Variants in PLXNA4 observed in about 807,000 individuals in gnomAD.
PLXNA4 encodes plexin A4.
A neutral mutation model predicts 191.8 loss-of-function variants in PLXNA4; 44 were observed. The ratio of observed to expected loss-of-function variants is 0.23; its 90% confidence interval spans 0.18 to 0.29. The LOEUF (loss-of-function observed/expected upper bound fraction) is 0.29, where lower values mean the gene tolerates loss of function less well. Ranked by LOEUF, PLXNA4 falls within the 10% of genes least tolerant of loss-of-function variation. The probability of loss-of-function intolerance (pLI) is 1.00; values close to 1 mark genes in which losing one functional copy is unlikely to be tolerated. For synonymous variants in PLXNA4, 1,082 were observed against 1,009.5 expected, an observed-to-expected ratio of 1.07 and a Z score of -1.36; for missense variants, 1,800 against 2,488.8, an observed-to-expected ratio of 0.72 and a Z score of 5.89.
intron 3 of PLXNA4, among the ~76,000 whole-genome samples, chr7:132,339,533 T>C (rs1278310827): frequency 6.6e-6 from 1 of 152,252 alleles, no homozygotes; most frequent in Non-Finnish European, 1.5e-5. Flanking sequence ...AGATATTTAC[T>C]GTGTACCTAC....
intron 3 of PLXNA4, chr7:132,384,461 G>A: frequency 1.5e-5 from 15 of 985,754 alleles, no homozygotes; most frequent in Non-Finnish European, 1.7e-5. Flanking sequence ...GTGCTGGATA[G>A]TGGCCATGCA....
chr7:132,498,124 T>C (rs1798102720), intron 2 of PLXNA4, among the ~76,000 whole-genome samples: 1 of 152,146 alleles, frequency 6.6e-6, no homozygotes, highest in South Asian at 2.1e-4. Flanking sequence ...TAGAGCACAA[T>C]AAGGGATTTT....
At position 132,167,625 on chromosome 7, in the gene PLXNA4, C is replaced by T. The variant is rs143852780; in HGVS notation, c.4286+679G>A. Among the ~76,000 whole-genome samples, 392 of 152,228 alleles carry T rather than the reference C, an allele frequency of 2.6e-3. 2 individuals carry two copies. Among genetic ancestry groups the T allele is most frequent in the African/African-American group, 8.9e-3 (371 of 41,528 alleles). On this transcript the variant is annotated intron_variant, in intron 22 of 31. Transcript: ENST00000321063. ...TCATGGCTCACTACAGCCTCAAACT[C>T]CAGGGCTTAAAGGATCCTCCTATCC...
intron 5 of PLXNA4, among the ~76,000 whole-genome samples, chr7:132,232,827 A>G (rs1377296679): frequency 6.6e-6 from 1 of 152,156 alleles, no homozygotes; most frequent in African/African-American, 2.4e-5. Flanking sequence ...AGCGATAGAA[A>G]TATTAACTCC....
intron 24 of PLXNA4, among the ~76,000 whole-genome samples, chr7:132,160,484 G>A (rs1326172973): frequency 6.6e-6 from 1 of 152,132 alleles, no homozygotes; most frequent in Non-Finnish European, 1.5e-5. Flanking sequence ...TTCTCTTGCT[G>A]TTCTCACAGT....
At chr7:132,183,304 G>T (rs1157109338) in intron 16 of PLXNA4, among the ~76,000 whole-genome samples, 1 of 152,156 alleles carries the variant, frequency 6.6e-6, no homozygotes, top group African/African-American at 2.4e-5. Flanking sequence ...ATGACCTTCT[G>T]GTGTCTAGCC....
At chr7:132,206,885 AG>A (rs996232952) in intron 10 of PLXNA4, among the ~76,000 whole-genome samples, 4 of 152,110 alleles carry the variant, frequency 2.6e-5, no homozygotes, top group Non-Finnish European at 4.4e-5. Flanking sequence ...GAGCCCAGGG[AG>A]GACAGGCTCC....
chr7:132,188,951 GAGGAAAGGAAAGGAAAGGAAAGGAA>G (rs755898295), intron 14 of PLXNA4, among the ~76,000 whole-genome samples: 2 of 49,984 alleles, frequency 4.0e-5, no homozygotes, highest in Non-Finnish European at 1.1e-4. Flanking sequence ...CCTTCCCAGA[GAGGAAAGGAAAGGAAAGGAAAGGAA>G]AGGAAAGGAA....
intron 3 of PLXNA4, among the ~76,000 whole-genome samples, chr7:132,445,708 A>C (rs937536378): frequency 3.9e-5 from 6 of 152,304 alleles, no homozygotes; most frequent in Non-Finnish European, 7.4e-5. Flanking sequence ...GAAAAATAAA[A>C]GTGAGAAATA....
intron 1 of PLXNA4, among the ~76,000 whole-genome samples, chr7:132,575,920 C>T (rs1802204020): frequency 6.6e-6 from 1 of 152,150 alleles, no homozygotes. Flanking sequence ...TCCAAATATG[C>T]GTCCGAATAT....
rs1156315109 is a variant in PLXNA4 at position 132,132,380 on chromosome 7, T to TTGTTCTGTTCTGTTC, written c.5589+654_5589+668dup. Among the ~76,000 whole-genome samples, 148 of 128,992 alleles carry TTGTTCTGTTCTGTTC rather than the reference T, an allele frequency of 1.1e-3. 5 individuals carry two copies. Among genetic ancestry groups the TTGTTCTGTTCTGTTC allele is most frequent in the East Asian group, 2.5e-3 (10 of 3,930 alleles). The allele number at this position is 128,992 out of a possible 152,430, so 84.6% of individuals were successfully genotyped here. A position where few individuals can be genotyped will look rare whatever the true frequency, so the allele number is the denominator to read the frequency against. ...GAACAAAACAGAAAACACATTCTATTTGTTCTGTTCTGTTCTGTTCTGTTC... is the reference window on the plus strand; with the variant it reads ...GAACAAAACAGAAAACACATTCTATTTGTTCTGTTCTGTTCTGTTCTGTTCTGTTCTGTTCTGTTC... On this transcript the variant is annotated intron_variant, in intron 31 of 31. Coordinates refer to ENST00000321063, the MANE Select transcript of PLXNA4 (RefSeq NM_020911.2).
intron 15 of PLXNA4, among the ~76,000 whole-genome samples, chr7:132,185,879 C>T (rs941652206): frequency 1.3e-5 from 2 of 152,206 alleles, no homozygotes; most frequent in Non-Finnish European, 2.9e-5. Flanking sequence ...CCTTATTCTG[C>T]TCATTGGCTA....
chr7:132,263,568 G>T (rs1584918134), intron 4 of PLXNA4, among the ~76,000 whole-genome samples: 1 of 152,340 alleles, frequency 6.6e-6, no homozygotes, highest in Non-Finnish European at 1.5e-5. Context: ...CCCATAGTTA[G>T]AAGACAGAGC....
chr7:132,205,984 C>A (rs993407466), intron 10 of PLXNA4, among the ~76,000 whole-genome samples: 2 of 152,206 alleles, frequency 1.3e-5, no homozygotes, highest in East Asian at 1.9e-4. Flanking sequence ...TGTTTATGTG[C>A]ATGCTGACTT....
At chr7:132,321,903 C>T (rs1274788250) in intron 3 of PLXNA4, among the ~76,000 whole-genome samples, 2 of 152,116 alleles carry the variant, frequency 1.3e-5, no homozygotes, top group East Asian at 1.9e-4. Context: ...CTAAACTCCA[C>T]CCCCAGAAGA....
chr7:132,625,745 C>T (rs1402476196), intron 2 of PLXNA4, among the ~76,000 whole-genome samples: 1 of 152,200 alleles, frequency 6.6e-6, no homozygotes, highest in Non-Finnish European at 1.5e-5. Context: ...TTGAAGAAGT[C>T]AGACACAAAG....
chr7:132,483,871 A>C (rs1797438516), intron 3 of PLXNA4, among the ~76,000 whole-genome samples: 1 of 152,206 alleles, frequency 6.6e-6, no homozygotes, highest in African/African-American at 2.4e-5. Context: ...GGAAGTCAGG[A>C]GGAGAATGCA....
At chr7:132,607,746 G>A (rs1802954035) in intron 2 of PLXNA4, among the ~76,000 whole-genome samples, 1 of 152,040 alleles carries the variant, frequency 6.6e-6, no homozygotes, top group South Asian at 2.1e-4. Flanking sequence ...TCTGGAAAGA[G>A]GAAAGTGAGC....
chr7:132,613,055 C>T (rs182893867), intron 2 of PLXNA4, among the ~76,000 whole-genome samples: 96 of 152,156 alleles, frequency 6.3e-4, no homozygotes, highest in Admixed American at 1.8e-3. Context: ...TAGTCCTTGA[C>T]GCTTCTGAAG....
Sources: gnomAD v4.1 joint callset for allele counts (sites outside exome capture counted in the v4.1 genomes callset) on GRCh38, gnomAD v4.1.1 for gene constraint, MANE v1.5 for transcripts, NCBI Gene and HGNC (gene_info 2026-07-23, HGNC 2026-07-21) for gene names.